CDK8: variants seen among roughly 807,000 people sequenced by gnomAD.
CDK8 encodes cyclin-dependent kinase 8.
CDK8 carries 29 observed loss-of-function variants against 71.5 expected under a neutral mutation model. The ratio of observed to expected loss-of-function variants is 0.41; its 90% CI spans 0.30 to 0.55. The LOEUF is 0.55. CDK8 is among the 20% of genes least tolerant of loss of function. CDK8 has a pLI of 0.37. For missense variants in CDK8, 288 were observed against 572.6 expected (o/e 0.50, Z 5.07); for synonymous variants, 161 against 192.1 (o/e 0.84, Z 1.34).
rs115050132 is a variant in CDK8, at chr13:26,399,617, G to T, written c.934-836G>T. On this transcript the variant is annotated intron_variant, in intron 9 of 12. Coordinates refer to ENST00000381527, the MANE Select transcript of CDK8 (RefSeq NM_001260.3). ...AAAAATACTGAATCTTCACATTAGT[G>T]TGGCATTTATAGTAATAATAACAAT... 6.6e-3 allele frequency among the ~76,000 whole-genome samples: 1,001 copies of T among 152,312 alleles called. 9 individuals carry two copies. The highest frequency in any genetic ancestry group is 0.021 in the African/African-American group (867 of 41,566).
intron 1 of CDK8, among the ~76,000 whole-genome samples, chr13:26,323,448 A>C (rs1364233530): frequency 2.0e-5 from 3 of 151,928 alleles, no homozygotes; most frequent in African/African-American, 4.8e-5. Context: ...ACCTTCATGA[A>C]CTCATCGAAA....
intron 1 of CDK8, among the ~76,000 whole-genome samples, chr13:26,309,366 C>T (rs548700326): frequency 1.3e-5 from 2 of 152,212 alleles, no homozygotes; most frequent in South Asian, 4.2e-4. Context: ...GTCTCGATCT[C>T]CTGACCTTGT....
chr13:26,261,542 A>G (rs185639143), intron 1 of CDK8, among the ~76,000 whole-genome samples: 27 of 152,298 alleles, frequency 1.8e-4, no homozygotes, highest in Admixed American at 4.6e-4. Context: ...GACATTTCAT[A>G]TAAATGGACT....
intron 4 of CDK8, among the ~76,000 whole-genome samples, chr13:26,379,780 T>G (rs1875130337): frequency 6.6e-6 from 1 of 152,088 alleles, no homozygotes; most frequent in African/African-American, 2.4e-5. Context: ...ACTAATCAAC[T>G]TGTACCTCTG....
intron 1 of CDK8, among the ~76,000 whole-genome samples, chr13:26,268,779 A>C (rs1872160843): frequency 6.6e-6 from 1 of 152,174 alleles, no homozygotes; most frequent in African/African-American, 2.4e-5. Context: ...ATGTTGCTAC[A>C]ATTTGTGACA....
At chr13:26,363,117 C>G (rs1210991897) in intron 4 of CDK8, among the ~76,000 whole-genome samples, 1 of 147,528 alleles carries the variant, frequency 6.8e-6, no homozygotes, top group Non-Finnish European at 1.5e-5. Flanking sequence ...GTCAAGAGAT[C>G]GAGACCATCC....
At chr13:26,268,273 A>ACACACACG (rs1476962989) in intron 1 of CDK8, among the ~76,000 whole-genome samples, 14 of 148,884 alleles carry the variant, frequency 9.4e-5, no homozygotes, top group African/African-American at 3.5e-4. Context: ...ACACACACAC[A>ACACACACG]CACACACACA....
In CDK8 at chr13:26,399,670, T is replaced by C. The variant is rs529227819; in HGVS notation, c.934-783T>C. On this transcript the variant is annotated intron_variant, in intron 9 of 12. Transcript: ENST00000381527. ...GAGCAAGCACTTACATAGTACTTTC[T>C]TTATGCTAGGCACCATTATAATTGC... is the stretch of plus-strand genomic sequence containing the variant. 2.0e-5 allele frequency among the ~76,000 whole-genome samples: 3 copies of C among 152,372 alleles called. No individual in the cohort carries two copies. The South Asian group carries it at 6.2e-4, about 32-fold the overall frequency.
intron 1 of CDK8, among the ~76,000 whole-genome samples, chr13:26,310,174 G>A (rs1874220468): frequency 6.6e-6 from 1 of 152,160 alleles, no homozygotes; most frequent in South Asian, 2.1e-4. Flanking sequence ...TATCTACCCA[G>A]TAACTACTAA....
At chr13:26,357,388 T>C (rs912796500) in intron 4 of CDK8, among the ~76,000 whole-genome samples, 4 of 152,208 alleles carry the variant, frequency 2.6e-5, no homozygotes, top group African/African-American at 9.7e-5. Context: ...CTTTTTAGTT[T>C]TAGAACATTA....
chr13:26,361,784 C>CCT (rs1874150080), intron 4 of CDK8, among the ~76,000 whole-genome samples: 1 of 63,346 alleles, frequency 1.6e-5, no homozygotes, highest in Admixed American at 2.5e-4. Context: ...TTTCTTTTCC[C>CCT]TTTTTTTTTT....
intron 1 of CDK8, among the ~76,000 whole-genome samples, chr13:26,335,943 A>G (rs142840464): frequency 1.2e-3 from 187 of 151,866 alleles, no homozygotes; most frequent in African/African-American, 3.5e-3. Flanking sequence ...AACAACAACA[A>G]CAACAACAAC....
rs754038942 is a variant in CDK8, at chr13:26,383,002, A to C, written c.514+131A>C. ...TCCATATGATCGAAGCCATTTCTAA[A>C]GAGTATGCATAAAAGTGAAAAATGT... is the stretch of plus-strand genomic sequence containing the variant. On this transcript the variant is annotated intron_variant, in intron 5 of 12. Transcript: ENST00000381527. 80 of 517,786 alleles carry C rather than the reference A, an allele frequency of 1.5e-4. 1 individual carries two copies. Among genetic ancestry groups the C allele is most frequent in the Non-Finnish European group, 2.5e-4 (73 of 296,538 alleles). The allele number at this position is 517,786 out of a possible 1,614,324, so 32.1% of individuals were successfully genotyped here. A position where few individuals can be genotyped will look rare whatever the true frequency, so the allele number is the denominator to read the frequency against.
At chr13:26,395,487 CA>C (rs11361110) in intron 7 of CDK8, among the ~76,000 whole-genome samples, 9,899 of 94,220 alleles carry the variant, frequency 0.11, 1,013 homozygotes, top group African/African-American at 0.31. Flanking sequence ...AACTCCGTCT[CA>C]AAAAAAAAAA....
At chr13:26,389,503 C>G (rs1162978455) in intron 6 of CDK8, among the ~76,000 whole-genome samples, 1 of 151,888 alleles carries the variant, frequency 6.6e-6, no homozygotes, top group Non-Finnish European at 1.5e-5. Context: ...CCTTCTGAGG[C>G]CGGGAAGTTA....
chr13:26,302,740 C>T (rs1251776811), intron 1 of CDK8, among the ~76,000 whole-genome samples: 8 of 152,206 alleles, frequency 5.3e-5, no homozygotes, highest in African/African-American at 1.4e-4. Context: ...AGAGACATCC[C>T]TAATCCAGGT....
At chr13:26,333,300 C>T (rs896427924) in intron 1 of CDK8, among the ~76,000 whole-genome samples, 5 of 151,972 alleles carry the variant, frequency 3.3e-5, no homozygotes, top group South Asian at 2.1e-4. Context: ...CTACCACGCC[C>T]GGCTAAGTTT....
intron 1 of CDK8, among the ~76,000 whole-genome samples, chr13:26,290,987 C>T (rs1325076139): frequency 1.3e-5 from 2 of 151,780 alleles, no homozygotes; most frequent in Non-Finnish European, 2.9e-5. Context: ...GGCATGGTGG[C>T]GCCTGCTTGT....
chr13:26,295,544 G>A (rs1873514136), intron 1 of CDK8, among the ~76,000 whole-genome samples: 1 of 152,202 alleles, frequency 6.6e-6, no homozygotes, highest in South Asian at 2.1e-4. Flanking sequence ...GCAGAGTAAA[G>A]AGTCTTTGAA....
Sources: allele counts gnomAD v4.1 joint callset (sites outside exome capture counted in the v4.1 genomes callset), GRCh38; gene constraint gnomAD v4.1.1; transcripts MANE v1.5; gene names NCBI Gene and HGNC (gene_info 2026-07-23, HGNC 2026-07-21).